MIPEP: variants seen among roughly 807,000 people sequenced by gnomAD.
MIPEP encodes mitochondrial intermediate peptidase.
In MIPEP, 79 loss-of-function variants were observed where a neutral mutation model predicts 90.3. That is an observed-to-expected ratio of 0.87 (90% confidence interval 0.73 to 1.05). The LOEUF (loss-of-function observed/expected upper bound fraction) is 1.05, where lower values mean the gene tolerates loss of function less well. MIPEP is among the 50% of genes least tolerant of loss of function. The probability of loss-of-function intolerance (pLI) is 0.00; values close to 1 mark genes in which losing one functional copy is unlikely to be tolerated. For synonymous variants in MIPEP, 334 were observed against 315.8 expected (o/e 1.06, Z -0.61); for missense variants, 940 against 905.6 (o/e 1.04, Z -0.49).
At chr13:23,823,646 G>T (rs1324466246) in intron 14 of MIPEP, among the ~76,000 whole-genome samples, 1 of 152,192 alleles carries the variant, frequency 6.6e-6, no homozygotes, top group African/African-American at 2.4e-5. Context: ...CTGGGCAACA[G>T]AACGAGACAC....
rs185530077 is a variant in MIPEP, at chr13:23,886,415, C to T, written c.281G>A (p.Arg94His). The T allele has an allele frequency of 6.6e-5, 106 of 1,608,398 alleles. No homozygotes were observed. The East Asian group carries it at 7.0e-4, about 11-fold the overall frequency. Residue 94 changes from arginine (R) to histidine (H), a missense_variant, in exon 2 of 19, where the codon CGT (arginine) becomes CAT (histidine). By Grantham distance (29) the Arg-to-His change is conservative (BLOSUM62 0). Transcript: ENST00000382172. The part of the protein sequence containing the change: ...ALRKTELLVD[R>H]ACSTPPGPQT... The stretch of plus-strand genomic sequence containing the variant: ...GGGCCCAGGTGGGGTGGAACATGCA[C>T]GGTCCACAAGCAATTCTGTCTTTCT...
intron 14 of MIPEP, among the ~76,000 whole-genome samples, chr13:23,832,488 C>T (rs969791510): frequency 2.0e-5 from 3 of 151,794 alleles, no homozygotes; most frequent in African/African-American, 7.3e-5. Context: ...ATGATCAAAA[C>T]ATTAAAAAAA....
At chr13:23,805,126 T>C (rs1953093395) in intron 16 of MIPEP, among the ~76,000 whole-genome samples, 1 of 152,232 alleles carries the variant, frequency 6.6e-6, no homozygotes. Flanking sequence ...TTCCCTTTTC[T>C]GTTTAAGTCC....
At chr13:23,878,496 AAAG>A (rs1055459068) in intron 4 of MIPEP, among the ~76,000 whole-genome samples, 5 of 152,236 alleles carry the variant, frequency 3.3e-5, no homozygotes, top group African/African-American at 4.8e-5. Flanking sequence ...ACAGGATCAG[AAAG>A]AATCAAGTTG....
intron 10 of MIPEP, among the ~76,000 whole-genome samples, chr13:23,856,564 G>A (rs1220586161): frequency 6.6e-6 from 1 of 152,194 alleles, no homozygotes; most frequent in Admixed American, 6.5e-5. Context: ...GGAAGGGGGT[G>A]CTAACTTCCC....
At chr13:23,808,093 G>A (rs954471122) in intron 15 of MIPEP, among the ~76,000 whole-genome samples, 3 of 151,404 alleles carry the variant, frequency 2.0e-5, no homozygotes, top group Non-Finnish European at 2.9e-5. Flanking sequence ...TTTAAAAACA[G>A]TGTTTTTTTT....
chr13:23,860,040 G>C (rs1870221541), intron 9 of MIPEP, among the ~76,000 whole-genome samples: 1 of 152,192 alleles, frequency 6.6e-6, no homozygotes, highest in African/African-American at 2.4e-5. Flanking sequence ...ATGATTATTT[G>C]CTATCTGCTA....
chr13:23,813,661 A>C (rs1953200929), intron 14 of MIPEP, among the ~76,000 whole-genome samples: 1 of 152,172 alleles, frequency 6.6e-6, no homozygotes, highest in Admixed American at 6.5e-5. Context: ...CAGTGGCACA[A>C]TCATAATTCA....
intron 10 of MIPEP, among the ~76,000 whole-genome samples, chr13:23,855,349 T>C (rs1490984998): frequency 6.6e-5 from 10 of 152,194 alleles, no homozygotes; most frequent in Admixed American, 2.6e-4. Flanking sequence ...TTTCTCCTCC[T>C]GCTTCTAAAC....
chr13:23,793,750 C>T (rs1188523522), intron 16 of MIPEP, among the ~76,000 whole-genome samples: 2 of 151,568 alleles, frequency 1.3e-5, no homozygotes, highest in Non-Finnish European at 1.5e-5. Flanking sequence ...GAGACTGTAA[C>T]AGAGGCTGGC....
chr13:23,740,609 G>C lies in MIPEP; in HGVS notation c.2045-10164C>G, dbSNP rs186542382. Among the ~76,000 whole-genome samples the C allele has an allele frequency of 1.8e-4, 27 of 152,216 alleles. No homozygotes were observed. The East Asian group carries it at 4.6e-3, about 26-fold the overall frequency. On this transcript the variant is annotated intron_variant, in intron 18 of 18. Coordinates refer to ENST00000382172, the MANE Select transcript of MIPEP (RefSeq NM_005932.4). Reference sequence around the variant, plus strand: ...TCAAAGACCAACTCTGTAGACCCAGGATTTGTACCTGAAGCAGCTGTTTTT... The same window carrying C: ...TCAAAGACCAACTCTGTAGACCCAGCATTTGTACCTGAAGCAGCTGTTTTT...
intron 1 of MIPEP, among the ~76,000 whole-genome samples, 159 bp from the exon 2 acceptor site, chr13:23,886,665 C>T (rs1871496541): frequency 6.6e-6 from 1 of 152,084 alleles, no homozygotes; most frequent in South Asian, 2.1e-4. Context: ...CTCCCCATAT[C>T]ACTCCACATA....
chr13:23,757,209 T>A (rs1952498127), intron 17 of MIPEP, among the ~76,000 whole-genome samples: 1 of 152,092 alleles, frequency 6.6e-6, no homozygotes, highest in African/African-American at 2.4e-5. Flanking sequence ...GGAGTGCCCA[T>A]CCTAGATCCT....
At chr13:23,851,220 A>G (rs1057104968) in intron 10 of MIPEP, among the ~76,000 whole-genome samples, 1 of 152,204 alleles carries the variant, frequency 6.6e-6, no homozygotes, top group East Asian at 1.9e-4. Flanking sequence ...TGGGAATAAT[A>G]AACACAGGTA....
chr13:23,740,858 T>G (rs1452037542), intron 18 of MIPEP, among the ~76,000 whole-genome samples: 1 of 152,224 alleles, frequency 6.6e-6, no homozygotes, highest in Non-Finnish European at 1.5e-5. Flanking sequence ...AGCTTGGGTC[T>G]CCCTGAAACT....
intron 16 of MIPEP, among the ~76,000 whole-genome samples, chr13:23,780,212 G>GCAGA (rs1565991575): frequency 2.0e-5 from 3 of 152,206 alleles, no homozygotes; most frequent in African/African-American, 7.2e-5. Context: ...CCCAGTAGGG[G>GCAGA]CAGACTGACA....
At chr13:23,872,575 G>A (rs184468169) in intron 5 of MIPEP, among the ~76,000 whole-genome samples, 1 of 152,292 alleles carries the variant, frequency 6.6e-6, no homozygotes, top group East Asian at 1.9e-4. Flanking sequence ...TTGAAAAATG[G>A]AACATGTCTA....
At position 23,814,981 on chromosome 13, in the gene MIPEP, A is replaced by G. The variant is rs1442057714; in HGVS notation, c.1654-5057T>C. On this transcript the variant is annotated intron_variant, in intron 14 of 18. Coordinates refer to ENST00000382172, the MANE Select transcript of MIPEP (RefSeq NM_005932.4). ...GCAACTTACTGAACTGTGAAGCCAC[A>G]TTTTCCTCATCTGCAAAATGTTAAT... is the stretch of plus-strand genomic sequence containing the variant. 7.2e-5 allele frequency among the ~76,000 whole-genome samples: 11 copies of G among 152,330 alleles called. No individual in the cohort carries two copies. In the South Asian group the frequency reaches 2.1e-3, roughly 29 times the overall value.
intron 7 of MIPEP, among the ~76,000 whole-genome samples, chr13:23,864,735 C>CAAAA (rs373133876): frequency 0.6 from 50,626 of 84,020 alleles, 12,684 homozygotes; most frequent in South Asian, 0.73. Flanking sequence ...GACTCCATCT[C>CAAAA]AAAAAAAAAA....
Sources: allele counts gnomAD v4.1 joint callset (sites outside exome capture counted in the v4.1 genomes callset), GRCh38; gene constraint gnomAD v4.1.1; transcripts MANE v1.5; gene names NCBI Gene and HGNC (gene_info 2026-07-23, HGNC 2026-07-21).